Variants in KCND2 observed in about 807,000 individuals in gnomAD.
KCND2 encodes the protein A-type voltage-gated potassium channel KCND2.
Under a neutral mutation model 54.4 loss-of-function variants are expected in KCND2, and 16 were observed. That is an observed-to-expected ratio of 0.29 (90% CI 0.20 to 0.45). KCND2 has a LOEUF of 0.45. Among genes scored for constraint, KCND2 ranks in the 20% least tolerant of loss-of-function variants. The probability of loss-of-function intolerance (pLI) is 1.00; values close to 1 mark genes in which losing one functional copy is unlikely to be tolerated. For synonymous variants in KCND2, 317 were observed against 310.7 expected (o/e 1.02, Z -0.21); for missense variants, 486 against 824.2 (o/e 0.59, Z 5.02).
At chr7:120,739,089 C>G (rs146101511) in intron 2 of KCND2, among the ~76,000 whole-genome samples, 30 of 152,138 alleles carry the variant, frequency 2.0e-4, no homozygotes, top group African/African-American at 7.2e-4. Context: ...GTGTTTGCCA[C>G]CATATGTAGG....
intron 1 of KCND2, among the ~76,000 whole-genome samples, chr7:120,392,029 A>G (rs755354089): frequency 7.2e-5 from 11 of 151,950 alleles, no homozygotes; most frequent in Non-Finnish European, 1.5e-4. Context: ...GTTTTCTTCT[A>G]TGGTTTTTAT....
chr7:120,664,990 G>T (rs1009136802), intron 1 of KCND2, among the ~76,000 whole-genome samples: 2 of 152,014 alleles, frequency 1.3e-5, no homozygotes, highest in Admixed American at 1.3e-4. Context: ...ATTACAATTT[G>T]TTCTGGCTTA....
chr7:120,664,172 TGTTG>T (rs1791897800), intron 1 of KCND2, among the ~76,000 whole-genome samples: 1 of 152,134 alleles, frequency 6.6e-6, no homozygotes, highest in African/African-American at 2.4e-5. Flanking sequence ...GTTTTAGTTT[TGTTG>T]GTTGGTTGGT....
rs1463478495 is a variant in KCND2 at position 120,275,087 on chromosome 7, C to T, written c.455C>T (p.Ala152Val). 1.8e-5 allele frequency: 29 copies of T among 1,613,796 alleles called. No individual in the cohort carries two copies. Among genetic ancestry groups the T allele is most frequent in the Non-Finnish European group, 2.3e-5 (27 of 1,179,944 alleles). ...AACGCCGAGCGCCTGCAGGACGACG[C>T]GGATACCGACACCGCTGGGGAGAGC... is the stretch of plus-strand genomic sequence containing the variant. The part of the protein sequence containing the change: ...RENAERLQDD[A>V]DTDTAGESAL... The change falls in exon 1 of 6, where the codon GCG (alanine) becomes GTG (valine). Residue 152 changes from alanine (A) to valine (V), a missense_variant. By Grantham distance (64) the Ala-to-Val change is moderately conservative. Coordinates refer to ENST00000331113, the MANE Select transcript of KCND2 (RefSeq NM_012281.3).
chr7:120,535,511 G>A (rs1047318730), intron 1 of KCND2, among the ~76,000 whole-genome samples: 3 of 152,028 alleles, frequency 2.0e-5, no homozygotes, highest in African/African-American at 7.2e-5. Context: ...TGTTTATAAA[G>A]GAAAAAATTG....
chr7:120,571,888 A>G (rs1388632582), intron 1 of KCND2, among the ~76,000 whole-genome samples: 2 of 152,184 alleles, frequency 1.3e-5, no homozygotes, highest in Non-Finnish European at 2.9e-5. Context: ...TTTCTTTTCT[A>G]TAATATCATT....
chr7:120,331,478 T>G (rs1800067989), intron 1 of KCND2, among the ~76,000 whole-genome samples: 1 of 151,908 alleles, frequency 6.6e-6, no homozygotes, highest in African/African-American at 2.4e-5. Flanking sequence ...GAGATGCATT[T>G]TAATTACAAA....
chr7:120,460,785 C>G (rs531046491), intron 1 of KCND2, among the ~76,000 whole-genome samples: 91 of 152,182 alleles, frequency 6.0e-4, no homozygotes, highest in Middle Eastern at 3.4e-3. Flanking sequence ...TGCCCCTGAC[C>G]ACTTTCTTTC....
At chr7:120,339,320 A>C (rs1040564027) in intron 1 of KCND2, among the ~76,000 whole-genome samples, 1 of 152,176 alleles carries the variant, frequency 6.6e-6, no homozygotes, top group Admixed American at 6.5e-5. Flanking sequence ...CTAGAAAAGC[A>C]ATATGAAAAA....
rs187958132 is a variant in KCND2, at chr7:120,662,754, C to T, written c.1116-70149C>T. ...AAATCAACTACCAAAACAAAAGCTC[C>T]GAAGAAAAAGATTTAAAGCTGGAAA... On this transcript the variant is annotated intron_variant, in intron 1 of 5. Coordinates refer to ENST00000331113, the MANE Select transcript of KCND2 (RefSeq NM_012281.3). Among the ~76,000 whole-genome samples the T allele has an allele frequency of 1.2e-4, 18 of 152,144 alleles. No homozygotes were observed. In the East Asian group the frequency reaches 1.9e-3, roughly 16 times the overall value.
At chr7:120,292,355 C>A (rs1799447776) in intron 1 of KCND2, among the ~76,000 whole-genome samples, 2 of 151,586 alleles carry the variant, frequency 1.3e-5, no homozygotes, top group Admixed American at 1.3e-4. Context: ...ATCCAAATAC[C>A]TTTTGTTTCA....
At chr7:120,447,580 C>G (rs1802035054) in intron 1 of KCND2, among the ~76,000 whole-genome samples, 1 of 152,018 alleles carries the variant, frequency 6.6e-6, no homozygotes. Context: ...TATGAAAGTC[C>G]TGTCTGTGAG....
At chr7:120,594,643 A>G (rs889841535) in intron 1 of KCND2, among the ~76,000 whole-genome samples, 3 of 152,222 alleles carry the variant, frequency 2.0e-5, no homozygotes, top group Non-Finnish European at 4.4e-5. Context: ...CAAATGCCAC[A>G]GCTGTTTTTT....
chr7:120,531,825 A>G (rs1791846823), intron 1 of KCND2, among the ~76,000 whole-genome samples: 1 of 152,148 alleles, frequency 6.6e-6, no homozygotes, highest in Non-Finnish European at 1.5e-5. Flanking sequence ...ATTTGTTTGC[A>G]TATTTTTTAG....
intron 1 of KCND2, among the ~76,000 whole-genome samples, chr7:120,379,372 T>G (rs1172370464): frequency 3.3e-5 from 5 of 152,082 alleles, no homozygotes; most frequent in Non-Finnish European, 7.4e-5. Context: ...TTAGATAGTG[T>G]GTCCTGTTTA....
intron 2 of KCND2, among the ~76,000 whole-genome samples, chr7:120,737,035 TACACACACACACACACACACACAC>T (rs768582158): frequency 1.0e-5 from 1 of 98,754 alleles, no homozygotes; most frequent in Non-Finnish European, 1.9e-5. Context: ...CTGGAAAGCT[TACACACACACACACACACACACAC>T]ACACACACAC....
chr7:120,712,162 T>TTCTTACATGTA (rs1299512621), intron 1 of KCND2, among the ~76,000 whole-genome samples: 36 of 148,064 alleles, frequency 2.4e-4, no homozygotes, highest in African/African-American at 9.0e-4. Context: ...GTACGTCTAA[T>TTCTTACATGTA]TCTTACATGT....
intron 1 of KCND2, among the ~76,000 whole-genome samples, chr7:120,641,487 T>G (rs1793374636): frequency 6.6e-6 from 1 of 151,908 alleles, no homozygotes; most frequent in Non-Finnish European, 1.5e-5. Context: ...TCCAGGTTCC[T>G]GCCTCTCCTT....
chr7:120,457,178 G>C (rs989986764), intron 1 of KCND2, among the ~76,000 whole-genome samples: 1 of 152,112 alleles, frequency 6.6e-6, no homozygotes, highest in Non-Finnish European at 1.5e-5. Flanking sequence ...TTTCCTCCTA[G>C]GCCTCTGGGT....
Sources: allele counts gnomAD v4.1 joint callset (sites outside exome capture counted in the v4.1 genomes callset), GRCh38; gene constraint gnomAD v4.1.1; transcripts MANE v1.5; gene names NCBI Gene and HGNC (gene_info 2026-07-23, HGNC 2026-07-21).